MTAP: variants seen among roughly 807,000 people sequenced by gnomAD.
The protein encoded by MTAP is methylthioadenosine phosphorylase.
In MTAP, 33 loss-of-function variants were observed where a neutral mutation model predicts 33.6. That is an observed-to-expected ratio of 0.98 (90% CI 0.74 to 1.31). The LOEUF (loss-of-function observed/expected upper bound fraction) is 1.31. MTAP is among the 40% of genes most tolerant of loss of function. The pLI, the probability that MTAP is intolerant of heterozygous loss-of-function variation, is 0.00. For synonymous variants in MTAP, 148 were observed against 125.7 expected, an observed-to-expected ratio of 1.18 and a Z score of -1.19; for missense variants, 367 against 360.0, an observed-to-expected ratio of 1.02 and a Z score of -0.16.
chr9:21,840,058 C>T (rs1825205462), intron 5 of MTAP, among the ~76,000 whole-genome samples: 1 of 152,042 alleles, frequency 6.6e-6, no homozygotes, highest in Admixed American at 6.5e-5. Context: ...AACCCTGTCT[C>T]TACTAAAAAT....
intron 1 of MTAP, among the ~76,000 whole-genome samples, chr9:21,908,970 C>A (rs1818520333): frequency 6.6e-6 from 1 of 152,006 alleles, no homozygotes; most frequent in Non-Finnish European, 1.5e-5. Flanking sequence ...TTTGGAACCA[C>A]ATCAATCAGT....
At chr9:21,891,440 G>C (rs1302527746) in intron 1 of MTAP, among the ~76,000 whole-genome samples, 1 of 152,120 alleles carries the variant, frequency 6.6e-6, no homozygotes, top group African/African-American at 2.4e-5. Context: ...GCCATTTTAA[G>C]AAAGAAACAG....
At chr9:21,843,827 C>A (rs7041509) in intron 5 of MTAP, among the ~76,000 whole-genome samples, 33,669 of 152,078 alleles carry the variant, frequency 0.22, 5,273 homozygotes, top group African/African-American at 0.44. Flanking sequence ...TCTAAGGTCA[C>A]ACTTCAAGGA....
intron 1 of MTAP, among the ~76,000 whole-genome samples, chr9:21,911,115 AC>A: frequency 6.6e-6 from 1 of 152,328 alleles, no homozygotes; most frequent in East Asian, 1.9e-4. Flanking sequence ...ATACAGGAGC[AC>A]TCAGATTCAT....
At chr9:21,896,288 A>G (rs1818291959) in intron 1 of MTAP, among the ~76,000 whole-genome samples, 1 of 152,246 alleles carries the variant, frequency 6.6e-6, no homozygotes, top group Admixed American at 6.5e-5. Context: ...GAAAGCAGGA[A>G]AGATCTAAAA....
chr9:21,808,474 C>A lies in MTAP; in HGVS notation c.33+5693C>A, dbSNP rs534765838. 5.6e-4 allele frequency among the ~76,000 whole-genome samples: 84 copies of A among 151,088 alleles called. 1 individual carries two copies. The highest frequency in any genetic ancestry group is 8.4e-4 in the Non-Finnish European group (57 of 67,782). Reference sequence around the variant, plus strand: ...GGCGTGGCGGTGCACGCTTGTAGTTCAGCTCCTTGGGGGCTGAGGTAGGAG... The same window carrying A: ...GGCGTGGCGGTGCACGCTTGTAGTTAAGCTCCTTGGGGGCTGAGGTAGGAG... On this transcript the variant is annotated intron_variant, in intron 1 of 7. Transcript: ENST00000644715.
At chr9:21,931,711 GTCTAAGGTCAAACAGGGCACTTGGATT>G (rs1286399665), downstream of MTAP, 1 of 152,232 alleles carries the variant, frequency 6.6e-6, no homozygotes, top group Non-Finnish European at 1.5e-5. Flanking sequence ...AAAACCCCAA[GTCTAAGGTCAAACAGGGCACTTGGATT>G]TCTCAAGTTG....
chr9:21,810,735 C>A (rs1824324416), intron 1 of MTAP, among the ~76,000 whole-genome samples: 1 of 152,222 alleles, frequency 6.6e-6, no homozygotes, highest in African/African-American at 2.4e-5. Flanking sequence ...CAAATACAGT[C>A]ACATTCTGAG....
chr9:21,885,833 A>G (rs1302098598), intron 1 of MTAP, among the ~76,000 whole-genome samples: 6 of 146,232 alleles, frequency 4.1e-5, no homozygotes, highest in African/African-American at 1.5e-4. Flanking sequence ...TACAGATCAC[A>G]TTTTCTTCAT....
chr9:21,893,200 C>A (rs1818229175), intron 1 of MTAP: 2 of 152,082 alleles, frequency 1.3e-5, no homozygotes. Flanking sequence ...CTGGTCCTGC[C>A]CTTGACACAT....
intron 1 of MTAP, among the ~76,000 whole-genome samples, chr9:21,896,074 G>C (rs1352213504): frequency 6.6e-6 from 1 of 152,188 alleles, no homozygotes; most frequent in African/African-American, 2.4e-5. Flanking sequence ...TCAGACCACA[G>C]TGCAATCAAA....
chr9:21,815,616 G>A, intron 2 of MTAP, 97 bp downstream of exon 2: 1 of 893,674 alleles, frequency 1.1e-6, no homozygotes, highest in Non-Finnish European at 1.7e-6. Flanking sequence ...AATTGCTTTT[G>A]TTTTGGCAGC....
intron 1 of MTAP, among the ~76,000 whole-genome samples, chr9:21,813,065 G>T (rs1343459508): frequency 6.6e-6 from 1 of 152,224 alleles, no homozygotes; most frequent in Non-Finnish European, 1.5e-5. Flanking sequence ...AGGCAGTACT[G>T]AGTTGACACA....
chr9:21,894,572 G>T (rs560422832), intron 1 of MTAP, among the ~76,000 whole-genome samples: 1 of 131,332 alleles, frequency 7.6e-6, no homozygotes, highest in Non-Finnish European at 1.6e-5. Flanking sequence ...ACAGGAAGGG[G>T]AACATCACAC....
intron 4 of MTAP, among the ~76,000 whole-genome samples, chr9:21,824,884 G>A (rs576239198): frequency 2.6e-5 from 4 of 152,342 alleles, no homozygotes; most frequent in Admixed American, 6.5e-5. Context: ...CTCTGTGGGC[G>A]TGGGACCCTC....
chr9:21,802,922 T>C (rs1427675753), intron 1 of MTAP, 141 bp downstream of exon 1: 3 of 1,434,646 alleles, frequency 2.1e-6, no homozygotes, highest in Non-Finnish European at 1.8e-6. Context: ...GGCGCGGCAC[T>C]CGGGACTCAC....
intron 1 of MTAP, among the ~76,000 whole-genome samples, chr9:21,915,040 C>T (rs1478491839): frequency 1.4e-4 from 15 of 104,314 alleles, no homozygotes; most frequent in African/African-American, 6.2e-4. Flanking sequence ...TCCTTCCTTC[C>T]TTCCTTCCTT....
chr9:21,836,596 G>A (rs770762414), intron 4 of MTAP, among the ~76,000 whole-genome samples: 9 of 152,126 alleles, frequency 5.9e-5, no homozygotes, highest in Non-Finnish European at 1.0e-4. Context: ...ACGTGTCACC[G>A]TTTTATTGGT....
At chr9:21,914,072 C>T (rs375793927) in intron 1 of MTAP, among the ~76,000 whole-genome samples, 2 of 152,172 alleles carry the variant, frequency 1.3e-5, no homozygotes, top group Admixed American at 6.5e-5. Flanking sequence ...AAATCAAAAT[C>T]ACAATGAGAT....
Sources: gnomAD v4.1 joint callset for allele counts (sites outside exome capture counted in the v4.1 genomes callset) on GRCh38, gnomAD v4.1.1 for gene constraint, MANE v1.5 for transcripts, NCBI Gene and HGNC (gene_info 2026-07-23, HGNC 2026-07-21) for gene names.